Variants in FAP observed in about 807,000 individuals in gnomAD.
The protein encoded by FAP is fibroblast activation protein alpha.
A neutral mutation model predicts 126.5 loss-of-function variants in FAP; 110 were observed. That is an observed-to-expected ratio of 0.87 (90% confidence interval 0.74 to 1.02). The LOEUF (loss-of-function observed/expected upper bound fraction) is 1.02, where lower values mean the gene tolerates loss of function less well. Among genes scored for constraint, FAP ranks in the 50% least tolerant of loss-of-function variants. The probability of loss-of-function intolerance (pLI) is 0.00; values close to 1 mark genes in which losing one functional copy is unlikely to be tolerated. For synonymous variants in FAP, 334 were observed against 297.3 expected, an observed-to-expected ratio of 1.12 and a Z score of -1.27; for missense variants, 919 against 909.2, an observed-to-expected ratio of 1.01 and a Z score of -0.14.
intron 12 of FAP, 35 bp downstream of exon 12, chr2:162,209,917 C>A (rs769428837): frequency 6.3e-7 from 1 of 1,591,484 alleles, no homozygotes; most frequent in Non-Finnish European, 8.6e-7. Flanking sequence ...TGTCAAGTTT[C>A]ATTAAAACAT....
chr2:162,213,148 C>A (rs1172482437), intron 11 of FAP, among the ~76,000 whole-genome samples: 2 of 151,978 alleles, frequency 1.3e-5, no homozygotes, highest in East Asian at 1.9e-4. Flanking sequence ...GAGGCTGAGG[C>A]GGGTGGATCA....
intron 9 of FAP, 97 bp from the exon 10 acceptor site, chr2:162,216,098 A>ACAAT: frequency 1.2e-6 from 1 of 834,138 alleles, no homozygotes; most frequent in South Asian, 1.6e-5. Context: ...TTCTAAGCGA[A>ACAAT]CAATCTTATG....
chr2:162,180,493 G>T (rs1687658587), intron 21 of FAP, among the ~76,000 whole-genome samples: 1 of 152,130 alleles, frequency 6.6e-6, no homozygotes, highest in South Asian at 2.1e-4. Flanking sequence ...AGCTCTCCAG[G>T]TGATGTTTGT....
intron 2 of FAP, among the ~76,000 whole-genome samples, chr2:162,235,181 AC>A (rs1422763074): frequency 1.1e-5 from 1 of 88,196 alleles, no homozygotes; most frequent in Non-Finnish European, 2.5e-5. Flanking sequence ...GCCCCCTGTC[AC>A]CTCCTGCCCC....
intron 11 of FAP, among the ~76,000 whole-genome samples, chr2:162,212,593 T>C (rs1386822396): frequency 6.6e-6 from 1 of 152,208 alleles, no homozygotes; most frequent in Non-Finnish European, 1.5e-5. Flanking sequence ...AGTCCTGATA[T>C]ATTTCCAAAC....
In FAP at chr2:162,241,311, G is replaced by A. The variant is rs751041686; in HGVS notation, c.91+1597C>T. Among the ~76,000 whole-genome samples the A allele has an allele frequency of 7.2e-5, 11 of 152,052 alleles. No homozygotes were observed. The South Asian group carries it at 8.3e-4, about 11-fold the overall frequency. On this transcript the variant is annotated intron_variant, in intron 2 of 25. Transcript: ENST00000188790. The stretch of plus-strand genomic sequence containing the variant: ...TTTTATACTATATATAGTTTACGAC[G>A]TATATTTATATGTAAGCTATACATA...
chr2:162,181,974 C>T (rs1329794985), intron 21 of FAP, among the ~76,000 whole-genome samples: 1 of 152,198 alleles, frequency 6.6e-6, no homozygotes, highest in South Asian at 2.1e-4. Flanking sequence ...ACTTTCTTTG[C>T]TCAAATTTGC....
chr2:162,200,107 A>C (rs1320246929), intron 15 of FAP, among the ~76,000 whole-genome samples: 6 of 152,252 alleles, frequency 3.9e-5, no homozygotes. Flanking sequence ...CGAGGGCACC[A>C]TTTCAGTCCT....
intron 12 of FAP, among the ~76,000 whole-genome samples, chr2:162,206,634 T>A (rs985580031): frequency 6.6e-6 from 1 of 152,232 alleles, no homozygotes; most frequent in African/African-American, 2.4e-5. Flanking sequence ...ATGCCTTCAG[T>A]GCTTGTTCTC....
intron 16 of FAP, among the ~76,000 whole-genome samples, chr2:162,197,072 A>G (rs546575844): frequency 7.2e-5 from 11 of 152,366 alleles, no homozygotes; most frequent in African/African-American, 2.6e-4. Context: ...ACATTAAAGC[A>G]TTATACAAAT....
rs1165120876 is a variant in FAP, at chr2:162,214,013, T to C, written c.927A>G (p.Leu309=). Residue 309 remains leucine (L), a synonymous_variant, in exon 11 of 26, where the codon CTA becomes CTG. Coordinates refer to ENST00000188790, the MANE Select transcript of FAP (RefSeq NM_004460.5). ...GGACCGAAACATTCTGGACTCTTTT[T>C]AGCCACTGCAAACATACTCGTTCAT... The part of the protein sequence containing the change: ...VTDERVCLQW[L]KRVQNVSVLS... 1 of 1,614,138 alleles carries C rather than the reference T, an allele frequency of 6.2e-7. No individual in the cohort carries two copies.
chr2:162,200,392 A>T (rs1419535023), intron 15 of FAP, among the ~76,000 whole-genome samples, 174 bp downstream of exon 15: 4 of 150,850 alleles, frequency 2.7e-5, no homozygotes, highest in African/African-American at 9.9e-5. Flanking sequence ...GAATTGGCTA[A>T]CATTTTGCGA....
chr2:162,170,842 T>C lies in FAP; in HGVS notation c.*137A>G. The C allele has an allele frequency of 4.8e-6, 3 of 619,790 alleles. No individual in the cohort carries two copies. The highest frequency in any genetic ancestry group is 5.6e-6 in the Non-Finnish European group (2 of 358,556). 38.4% of individuals were successfully genotyped at this position (619,790 alleles called of 1,614,324 possible). A position where few individuals can be genotyped will look rare whatever the true frequency, so the allele number is the denominator to read the frequency against. On this transcript the variant is annotated 3_prime_UTR_variant, in exon 26 of 26. Coordinates refer to ENST00000188790, the MANE Select transcript of FAP (RefSeq NM_004460.5). Reference sequence around the variant, plus strand: ...TGAACTTCTGAGTCCTCATCTTTTTTTTAACAGCCTTTAGAACAACATTAA... The same window carrying C: ...TGAACTTCTGAGTCCTCATCTTTTTCTTAACAGCCTTTAGAACAACATTAA...
At chr2:162,235,799 C>A (rs1404171324) in intron 2 of FAP, among the ~76,000 whole-genome samples, 7 of 152,200 alleles carry the variant, frequency 4.6e-5, no homozygotes, top group Non-Finnish European at 7.3e-5. Context: ...CTAGTGCTCA[C>A]TCATTGGGTC....
chr2:162,219,025 GC>G, intron 8 of FAP, 37 bp downstream of exon 8: 1 of 1,507,526 alleles, frequency 6.6e-7, no homozygotes, highest in Non-Finnish European at 8.9e-7. Flanking sequence ...TAAATTAAAA[GC>G]CTAAAGCATT....
At chr2:162,211,029 G>A (rs1576172426) in intron 11 of FAP, among the ~76,000 whole-genome samples, 1 of 152,134 alleles carries the variant, frequency 6.6e-6, no homozygotes, top group African/African-American at 2.4e-5. Flanking sequence ...TTTTGCTAGG[G>A]ATACGGGCAG....
chr2:162,174,259 A>G (rs898141236), intron 22 of FAP, among the ~76,000 whole-genome samples: 2 of 152,110 alleles, frequency 1.3e-5, no homozygotes, highest in African/African-American at 2.4e-5. Context: ...CTTAATCAAG[A>G]TCCCCTACAA....
At chr2:162,237,821 A>G (rs750959534) in intron 2 of FAP, among the ~76,000 whole-genome samples, 7 of 152,236 alleles carry the variant, frequency 4.6e-5, no homozygotes, top group Non-Finnish European at 1.0e-4. Flanking sequence ...CCAACAGTGT[A>G]AAAGCATTCC....
At chr2:162,178,669 T>A (rs1265518964) in intron 21 of FAP, among the ~76,000 whole-genome samples, 1 of 152,138 alleles carries the variant, frequency 6.6e-6, no homozygotes, top group East Asian at 1.9e-4. Flanking sequence ...AAGGGGAAGA[T>A]AAAAGGGTTT....
Sources: allele counts gnomAD v4.1 joint callset (sites outside exome capture counted in the v4.1 genomes callset), GRCh38; gene constraint gnomAD v4.1.1; transcripts MANE v1.5; gene names NCBI Gene and HGNC (gene_info 2026-07-23, HGNC 2026-07-21).